Variants in SLC2A14 observed in about 807,000 individuals in gnomAD.
SLC2A14 encodes solute carrier family 2, facilitated glucose transporter member 14.
Under a neutral mutation model 43.0 loss-of-function variants are expected in SLC2A14, and 13 were observed. The observed-to-expected ratio is 0.30, with a 90% CI of 0.20 to 0.48. SLC2A14 has a LOEUF of 0.48. Among genes scored for constraint, SLC2A14 ranks in the 20% least tolerant of loss-of-function variants. SLC2A14 has a pLI of 0.99. For synonymous variants in SLC2A14, 190 were observed against 233.8 expected (o/e 0.81, Z 1.71); for missense variants, 428 against 620.4 (o/e 0.69, Z 3.29).
chr12:7,845,424 G>T (rs1866381691), intron 2 of SLC2A14, among the ~76,000 whole-genome samples: 1 of 152,118 alleles, frequency 6.6e-6, no homozygotes, highest in Admixed American at 6.6e-5. Context: ...ATCTAGACTA[G>T]TGCTACTCAA....
intron 10 of SLC2A14, 22 bp from the exon 11 acceptor site, chr12:7,814,556 G>T (rs753750718): frequency 6.3e-7 from 1 of 1,599,024 alleles, no homozygotes; most frequent in African/African-American, 1.4e-5. Flanking sequence ...ACAGAAAAAA[G>T]GAAGGTTGAT....
At chr12:7,879,460 T>G (rs12302162) in intron 1 of SLC2A14, among the ~76,000 whole-genome samples, 156 of 151,652 alleles carry the variant, frequency 1.0e-3, no homozygotes, top group African/African-American at 3.6e-3. Context: ...GGGGAGCGGA[T>G]CAACTGAGGT....
At chr12:7,846,897 G>A (rs1415725516) in intron 2 of SLC2A14, among the ~76,000 whole-genome samples, 1 of 151,596 alleles carries the variant, frequency 6.6e-6, no homozygotes, top group Admixed American at 6.6e-5. Flanking sequence ...CTCCCGAAGT[G>A]CTGGGATTAC....
intron 1 of SLC2A14, among the ~76,000 whole-genome samples, chr12:7,882,219 G>T (rs1004021260): frequency 6.6e-6 from 1 of 151,852 alleles, no homozygotes; most frequent in African/African-American, 2.4e-5. Context: ...AAGACCAGAA[G>T]CCCACCGGGA....
At chr12:7,868,600 G>C (rs919747951) in intron 2 of SLC2A14, among the ~76,000 whole-genome samples, 10 of 152,106 alleles carry the variant, frequency 6.6e-5, no homozygotes, top group African/African-American at 2.2e-4. Context: ...ATAGCTACTC[G>C]AGAAATATTT....
Position 7,880,492 on chromosome 12 carries a change from GATTAATCAAT to G in SLC2A14, c.132+10494_132+10503del, listed in dbSNP as rs777176121. Among the ~76,000 whole-genome samples, 6 of 138,044 alleles carry G rather than the reference GATTAATCAAT, an allele frequency of 4.3e-5. No homozygotes were observed. The East Asian group carries it at 1.0e-3, about 24-fold the overall frequency. The allele number at this position is 138,044 out of a possible 152,430, so 90.6% of individuals were successfully genotyped here. On this transcript the variant is annotated intron_variant, in intron 1 of 9. Transcript: ENST00000539924. ...TCTTGTCTCAAAAAAAAAAAATACTGATTAATCAATATTAATCAATATTGATAACAGAATT... is the reference window on the plus strand; with the variant it reads ...TCTTGTCTCAAAAAAAAAAAATACTGATTAATCAATATTGATAACAGAATT...
chr12:7,867,213 AGCTT>A (rs1431244647), intron 2 of SLC2A14, among the ~76,000 whole-genome samples: 1 of 136,082 alleles, frequency 7.3e-6, no homozygotes, highest in African/African-American at 2.7e-5. Context: ...CAGGAGGCGG[AGCTT>A]GCAGTGAGCG....
intron 1 of SLC2A14, chr12:7,890,671 C>G (rs975056431): frequency 5.9e-6 from 1 of 170,502 alleles, no homozygotes; most frequent in African/African-American, 2.4e-5. Context: ...AGTTGGCCTT[C>G]CAGCCACCAA....
intron 7 of SLC2A14, among the ~76,000 whole-genome samples, chr12:7,826,876 TCTTTCTTTC>T (rs1864446874): frequency 3.3e-5 from 2 of 60,820 alleles, no homozygotes; most frequent in African/African-American, 1.4e-4. Context: ...TTTCTTTCTT[TCTTTCTTTC>T]TTTCTTTCTT....
intron 1 of SLC2A14, chr12:7,870,974 A>C: frequency 7.0e-7 from 1 of 1,433,620 alleles, no homozygotes; most frequent in Non-Finnish European, 9.4e-7. Context: ...GGCTTTCAAC[A>C]TGATTGACCA....
intron 2 of SLC2A14, among the ~76,000 whole-genome samples, chr12:7,843,966 T>G (rs1052266732): frequency 2.2e-5 from 3 of 139,200 alleles, no homozygotes; most frequent in Admixed American, 1.4e-4. Flanking sequence ...TTGTTGTCTT[T>G]TCTTTTATTT....
At chr12:7,836,835 A>C (rs1217758332) in intron 2 of SLC2A14, among the ~76,000 whole-genome samples, 1 of 150,150 alleles carries the variant, frequency 6.7e-6, no homozygotes, top group Non-Finnish European at 1.5e-5. Context: ...TCAATTTTAC[A>C]AAAAAAAGAA....
chr12:7,889,684 C>T (rs150028376), intron 1 of SLC2A14, among the ~76,000 whole-genome samples: 27 of 151,732 alleles, frequency 1.8e-4, no homozygotes, highest in African/African-American at 5.8e-4. Context: ...TACAGGTATA[C>T]GCCACCACGC....
chr12:7,841,528 T>C (rs772640417), intron 2 of SLC2A14, among the ~76,000 whole-genome samples: 2 of 152,302 alleles, frequency 1.3e-5, no homozygotes, highest in African/African-American at 2.4e-5. Context: ...TCCAAAGTGC[T>C]AGGATTACAG....
Position 7,828,858 on chromosome 12 carries a change from A to C in SLC2A14, c.522T>G (p.Gly174=), listed in dbSNP as rs1423675793. The change falls in exon 6 of 11, where the codon GGT becomes GGG. Residue 174 remains glycine, a synonymous_variant. Coordinates refer to ENST00000431042, the MANE Select transcript of SLC2A14 (RefSeq NM_001286234.2). ...CTTCAGACCCAAGGATGAGTTCCAG[A>C]CCAAAGATCTAGAAACCACACAAAG... ...VIGILVAQIF[G]LELILGSEEL... is the part of the protein sequence containing the mutation. 1 of 1,613,594 alleles carries C rather than the reference A, an allele frequency of 6.2e-7. No homozygotes were observed. Among genetic ancestry groups the C allele is most frequent in the East Asian group, 2.2e-5 (1 of 44,876 alleles).
At chr12:7,832,439 ACCCCACTAATTTT>A (rs1167130043) in intron 3 of SLC2A14, among the ~76,000 whole-genome samples, 1 of 152,066 alleles carries the variant, frequency 6.6e-6, no homozygotes, top group Non-Finnish European at 1.5e-5. Context: ...TGATTAAATG[ACCCCACTAATTTT>A]CCCCACCAAT....
intron 2 of SLC2A14, among the ~76,000 whole-genome samples, chr12:7,851,958 C>T (rs781249863): frequency 7.9e-5 from 12 of 152,270 alleles, no homozygotes; most frequent in South Asian, 6.2e-4. Context: ...TACCTGGTGA[C>T]GGGACAGTGA....
chr12:7,839,458 G>A (rs759689039), intron 2 of SLC2A14, among the ~76,000 whole-genome samples: 41 of 152,346 alleles, frequency 2.7e-4, no homozygotes, highest in Admixed American at 7.8e-4. Flanking sequence ...AGACAGCTAG[G>A]AGTCTGCTCA....
chr12:7,852,276 G>C (rs1480981852), intron 2 of SLC2A14, among the ~76,000 whole-genome samples: 3 of 152,150 alleles, frequency 2.0e-5, no homozygotes, highest in East Asian at 3.9e-4. Flanking sequence ...TGAACATAGT[G>C]TCCAAATTTA....
Sources: gnomAD v4.1 joint callset for allele counts (sites outside exome capture counted in the v4.1 genomes callset) on GRCh38, gnomAD v4.1.1 for gene constraint, MANE v1.5 for transcripts, NCBI Gene and HGNC (gene_info 2026-07-23, HGNC 2026-07-21) for gene names.